Variants in SLC24A3 observed in about 807,000 individuals in gnomAD.
SLC24A3 encodes sodium/potassium/calcium exchanger 3.
A neutral mutation model predicts 75.8 loss-of-function variants in SLC24A3; 28 were observed. The ratio of observed to expected loss-of-function variants is 0.37; its 90% CI spans 0.27 to 0.51. The LOEUF (loss-of-function observed/expected upper bound fraction) is 0.51, where lower values mean the gene tolerates loss of function less well. Ranked by LOEUF, SLC24A3 falls within the 20% of genes least tolerant of loss-of-function variation. The pLI is 0.94. For missense variants in SLC24A3, 663 were observed against 847.8 expected, an observed-to-expected ratio of 0.78 and a Z score of 2.71; for synonymous variants, 372 against 334.1, an observed-to-expected ratio of 1.11 and a Z score of -1.24.
intron 2 of SLC24A3, among the ~76,000 whole-genome samples, chr20:19,322,561 T>C (rs1984737453): frequency 6.6e-6 from 1 of 152,170 alleles, no homozygotes; most frequent in South Asian, 2.1e-4. Flanking sequence ...CTTTCCTGTG[T>C]GGGTATTTTT....
intron 2 of SLC24A3, among the ~76,000 whole-genome samples, chr20:19,299,617 A>G (rs761467580): frequency 1.7e-4 from 26 of 152,174 alleles, no homozygotes; most frequent in Non-Finnish European, 3.4e-4. Context: ...TAAAAGAGTT[A>G]TTTCTAGAAG....
At chr20:19,626,956 C>T (rs547607873) in intron 6 of SLC24A3, among the ~76,000 whole-genome samples, 1 of 152,186 alleles carries the variant, frequency 6.6e-6, no homozygotes, top group Non-Finnish European at 1.5e-5. Context: ...TGGACAAGAA[C>T]CTGGATTCCT....
chr20:19,513,453 G>A (rs2029921368), intron 2 of SLC24A3, among the ~76,000 whole-genome samples: 1 of 152,222 alleles, frequency 6.6e-6, no homozygotes, highest in Non-Finnish European at 1.5e-5. Context: ...CCAGGAGCAG[G>A]TGCTCAATAA....
intron 2 of SLC24A3, among the ~76,000 whole-genome samples, chr20:19,437,940 C>T (rs16980575): frequency 0.024 from 3,696 of 152,222 alleles, 136 homozygotes; most frequent in East Asian, 0.1. Flanking sequence ...TTAATGAGGT[C>T]GTTATAGGGC....
chr20:19,540,028 C>T (rs567713127), intron 3 of SLC24A3, among the ~76,000 whole-genome samples: 19 of 152,194 alleles, frequency 1.2e-4, no homozygotes, highest in African/African-American at 4.6e-4. Context: ...TGGGAGAGAC[C>T]TGTTTTGGGC....
chr20:19,709,624 A>G (rs961132831), intron 15 of SLC24A3, among the ~76,000 whole-genome samples: 2 of 151,504 alleles, frequency 1.3e-5, no homozygotes, highest in Non-Finnish European at 2.9e-5. Flanking sequence ...TCCATCTCAG[A>G]AAAAAAAAGT....
intron 1 of SLC24A3, among the ~76,000 whole-genome samples, chr20:19,245,506 T>C (rs1207733064): frequency 1.3e-5 from 2 of 152,100 alleles, no homozygotes; most frequent in Non-Finnish European, 2.9e-5. Flanking sequence ...CAATATAGAG[T>C]GAAATTTAAT....
chr20:19,470,604 G>GCA (rs1987854440), intron 2 of SLC24A3, among the ~76,000 whole-genome samples: 1 of 151,880 alleles, frequency 6.6e-6, no homozygotes, highest in Non-Finnish European at 1.5e-5. Context: ...GTACATACAC[G>GCA]CACACACACA....
intron 6 of SLC24A3, among the ~76,000 whole-genome samples, chr20:19,644,970 C>T (rs1452090577): frequency 6.6e-6 from 1 of 152,194 alleles, no homozygotes; most frequent in Non-Finnish European, 1.5e-5. Context: ...CAACCATAGC[C>T]ACATGAGCTG....
chr20:19,316,422 C>A (rs967873137), intron 2 of SLC24A3, among the ~76,000 whole-genome samples: 1 of 152,226 alleles, frequency 6.6e-6, no homozygotes, highest in Non-Finnish European at 1.5e-5. Flanking sequence ...AGGCTGAAAA[C>A]CATCAGGGTT....
intron 10 of SLC24A3, among the ~76,000 whole-genome samples, chr20:19,682,607 G>C (rs2032627732): frequency 6.6e-6 from 1 of 152,210 alleles, no homozygotes. Context: ...CCATGAAGCA[G>C]GTTATGTAAC....
Position 19,346,203 on chromosome 20 carries a change from A to G in SLC24A3, c.271+65116A>G, listed in dbSNP as rs1185375535. ...TATATGGTGTATATATATATATGGT[A>G]TATATATATGGTGTATATGTATATA... is the stretch of plus-strand genomic sequence containing the variant. On this transcript the variant is annotated intron_variant, in intron 2 of 16. Coordinates refer to ENST00000328041, the MANE Select transcript of SLC24A3 (RefSeq NM_020689.4). Among the ~76,000 whole-genome samples, 22 of 101,044 alleles carry G rather than the reference A, an allele frequency of 2.2e-4. 2 individuals are homozygous for G. Among genetic ancestry groups the G allele is most frequent in the African/African-American group, 1.1e-3 (19 of 18,050 alleles). The allele number at this position is 101,044 out of a possible 152,430, so 66.3% of individuals were successfully genotyped here.
At chr20:19,657,762 C>T (rs986419656) in intron 7 of SLC24A3, among the ~76,000 whole-genome samples, 1 of 150,324 alleles carries the variant, frequency 6.7e-6, no homozygotes, top group Non-Finnish European at 1.5e-5. Context: ...ATGCCCCCAG[C>T]CAGAGGCTAC....
intron 3 of SLC24A3, among the ~76,000 whole-genome samples, chr20:19,547,704 C>G (rs370463556): frequency 2.2e-4 from 33 of 152,334 alleles, no homozygotes; most frequent in African/African-American, 7.2e-4. Flanking sequence ...AACTGCCTCT[C>G]CCACCCTCCC....
At chr20:19,679,955 GATTATATCCC>G in intron 9 of SLC24A3, among the ~76,000 whole-genome samples, 1 of 151,254 alleles carries the variant, frequency 6.6e-6, no homozygotes, top group Non-Finnish European at 1.5e-5. Context: ...GGAAAGCGTT[GATTATATCCC>G]ATGATGTGGC....
rs2029969109 is a variant in SLC24A3, at chr20:19,515,534, A to G, written c.318A>G (p.Arg106=). ...PNDIFTNEDR[R]QGAVVLHVLC... is the part of the protein sequence containing the mutation. ...ACATCTTCACAAACGAGGATAGAAGACAAGGTGCGGTGGTCCTCCATGTGC... is the reference window on the plus strand; with the variant it reads ...ACATCTTCACAAACGAGGATAGAAGGCAAGGTGCGGTGGTCCTCCATGTGC... Residue 106 remains arginine, a synonymous_variant, in exon 3 of 17, where the codon AGA becomes AGG. Transcript: ENST00000328041. The G allele has an allele frequency of 6.2e-7, 1 of 1,614,026 alleles. No homozygotes were observed. The highest frequency in any genetic ancestry group is 1.3e-5 in the African/African-American group (1 of 74,920).
intron 3 of SLC24A3, among the ~76,000 whole-genome samples, chr20:19,533,782 A>T (rs2030346429): frequency 6.6e-6 from 1 of 152,212 alleles, no homozygotes; most frequent in Non-Finnish European, 1.5e-5. Context: ...TCAAGCAAGG[A>T]GTTGACCCAA....
chr20:19,473,270 A>G (rs1309428498), intron 2 of SLC24A3, among the ~76,000 whole-genome samples: 3 of 152,162 alleles, frequency 2.0e-5, no homozygotes, highest in Non-Finnish European at 4.4e-5. Flanking sequence ...GTTCTTTAGA[A>G]CTCTGTAAAA....
chr20:19,700,853 G>C (rs892696665), intron 15 of SLC24A3, among the ~76,000 whole-genome samples: 3 of 152,132 alleles, frequency 2.0e-5, no homozygotes, highest in South Asian at 4.1e-4. Context: ...ACCTTTCACT[G>C]TTGTAAGTAG....
Sources: allele counts gnomAD v4.1 joint callset (sites outside exome capture counted in the v4.1 genomes callset), GRCh38; gene constraint gnomAD v4.1.1; transcripts MANE v1.5; gene names NCBI Gene and HGNC (gene_info 2026-07-23, HGNC 2026-07-21).